The following PEX14 variants were observed in gnomAD, a reference collection of about 807,000 sequenced individuals.
The protein encoded by PEX14 is peroxisomal membrane protein PEX14.
Under a neutral mutation model 49.5 loss-of-function variants are expected in PEX14, and 15 were observed. That is an observed-to-expected ratio of 0.30 (90% CI 0.20 to 0.47). The LOEUF (loss-of-function observed/expected upper bound fraction) is 0.47. Among genes scored for constraint, PEX14 ranks in the 20% least tolerant of loss-of-function variants. The probability of loss-of-function intolerance (pLI) is 1.00; values close to 1 mark genes in which losing one functional copy is unlikely to be tolerated. For synonymous variants in PEX14, 210 were observed against 212.7 expected, an observed-to-expected ratio of 0.99 and a Z score of 0.11; for missense variants, 398 against 494.8, an observed-to-expected ratio of 0.80 and a Z score of 1.86.
intron 2 of PEX14, among the ~76,000 whole-genome samples, chr1:10,528,717 C>A (rs1638561139): frequency 6.6e-6 from 1 of 152,190 alleles, no homozygotes; most frequent in Non-Finnish European, 1.5e-5. Flanking sequence ...AGTCAAGGAG[C>A]TGTTGAAAAA....
In PEX14 at chr1:10,527,583, T is replaced by G. The variant is rs1638526935; in HGVS notation, c.85-8630T>G. ...CATTCTAGGCTATGAGTAGTTCTTT[T>G]TTTTTGTATTCAAATTTATTTTTTA... is the stretch of plus-strand genomic sequence containing the variant. On this transcript the variant is annotated intron_variant, in intron 2 of 8. Transcript: ENST00000356607. 2.0e-5 allele frequency among the ~76,000 whole-genome samples: 3 copies of G among 152,272 alleles called. No homozygotes were observed. In the South Asian group the frequency reaches 6.2e-4, roughly 32 times the overall value.
chr1:10,500,175 G>A (rs1395335811), intron 2 of PEX14, among the ~76,000 whole-genome samples: 1 of 151,582 alleles, frequency 6.6e-6, no homozygotes, highest in Admixed American at 6.6e-5. Context: ...GGCCGAGGCG[G>A]GTGGATCACC....
At chr1:10,486,780 T>C (rs1452025773) in intron 1 of PEX14, among the ~76,000 whole-genome samples, 1 of 150,172 alleles carries the variant, frequency 6.7e-6, no homozygotes, top group Non-Finnish European at 1.5e-5. Context: ...CTCCGCCTCC[T>C]GGGTTCAAGC....
intron 1 of PEX14, among the ~76,000 whole-genome samples, chr1:10,480,409 T>C (rs1339902486): frequency 8.6e-6 from 1 of 116,888 alleles, no homozygotes; most frequent in African/African-American, 2.7e-5. Flanking sequence ...TTTTTTTTTT[T>C]TTGAGACGGA....
intron 2 of PEX14, among the ~76,000 whole-genome samples, chr1:10,503,089 C>CCACG: frequency 6.6e-6 from 1 of 151,840 alleles, no homozygotes; most frequent in East Asian, 1.9e-4. Context: ...GTGTGAGCCA[C>CCACG]CACGCCCTGC....
At chr1:10,532,721 C>T (rs1411253065) in intron 2 of PEX14, among the ~76,000 whole-genome samples, 1 of 152,030 alleles carries the variant, frequency 6.6e-6, no homozygotes, top group African/African-American at 2.4e-5. Context: ...CAAATATAAC[C>T]CATGAATAGT....
chr1:10,624,043 G>A (rs1252834638), intron 6 of PEX14, among the ~76,000 whole-genome samples: 4 of 152,198 alleles, frequency 2.6e-5, no homozygotes, highest in South Asian at 4.1e-4. Context: ...CAGAGAAGCC[G>A]GGAGAGCTCA....
At chr1:10,617,896 G>C (rs752567639) in intron 4 of PEX14, among the ~76,000 whole-genome samples, 4 of 152,170 alleles carry the variant, frequency 2.6e-5, no homozygotes, top group Non-Finnish European at 2.9e-5. Context: ...GCCCCGCTTG[G>C]TTCTGCTGTG....
At chr1:10,509,190 C>T (rs753399693) in intron 2 of PEX14, among the ~76,000 whole-genome samples, 21 of 151,910 alleles carry the variant, frequency 1.4e-4, no homozygotes, top group African/African-American at 4.8e-4. Context: ...CCTCATGATC[C>T]GCCTGCCTCG....
intron 3 of PEX14, among the ~76,000 whole-genome samples, chr1:10,536,943 A>G (rs184805498): frequency 6.6e-6 from 1 of 152,292 alleles, no homozygotes; most frequent in East Asian, 1.9e-4. Context: ...TTTTTTATAC[A>G]TGTAATTTTC....
chr1:10,596,028 G>A (rs1184018693), intron 3 of PEX14, among the ~76,000 whole-genome samples: 1 of 152,212 alleles, frequency 6.6e-6, no homozygotes, highest in Non-Finnish European at 1.5e-5. Flanking sequence ...TGGGGCTAGG[G>A]CACCGGGATG....
chr1:10,517,654 C>CT (rs57222349), intron 2 of PEX14, among the ~76,000 whole-genome samples: 63,315 of 136,558 alleles, frequency 0.46, 14,493 homozygotes, highest in East Asian at 0.55. Context: ...CCATTTTGTT[C>CT]TTTTTTTTTT....
chr1:10,498,136 C>T (rs898639104), intron 2 of PEX14, among the ~76,000 whole-genome samples: 7 of 152,206 alleles, frequency 4.6e-5, no homozygotes, highest in African/African-American at 1.4e-4. Context: ...TAACATTAGC[C>T]GGGCTTGGTG....
intron 1 of PEX14, among the ~76,000 whole-genome samples, chr1:10,480,626 C>A (rs544741963): frequency 6.6e-6 from 1 of 152,058 alleles, no homozygotes; most frequent in African/African-American, 2.4e-5. Context: ...GAATGCTTGA[C>A]CTCAGGTGAT....
chr1:10,568,407 A>G (rs1639875888), intron 3 of PEX14, among the ~76,000 whole-genome samples: 2 of 148,762 alleles, frequency 1.3e-5, no homozygotes, highest in African/African-American at 5.0e-5. Flanking sequence ...GTTTTTACTA[A>G]GAATGGATAT....
At chr1:10,615,399 A>T (rs1316135738) in intron 4 of PEX14, among the ~76,000 whole-genome samples, 2 of 152,258 alleles carry the variant, frequency 1.3e-5, no homozygotes, top group African/African-American at 2.4e-5. Flanking sequence ...AATGCTGATG[A>T]AAACATGCTC....
In PEX14 at chr1:10,630,034, C is replaced by T. The variant is rs763782659; in HGVS notation, c.*47C>T. 22 of 1,597,884 alleles carry T rather than the reference C, an allele frequency of 1.4e-5. No homozygotes were observed. Among genetic ancestry groups the T allele is most frequent in the East Asian group, 1.1e-4 (5 of 44,660 alleles). ...CCCTGAGGATGGCATCTAGTGTGCCCGTGCGTGGCCATACCCTGCCTCCCT... is the reference window on the plus strand; with the variant it reads ...CCCTGAGGATGGCATCTAGTGTGCCTGTGCGTGGCCATACCCTGCCTCCCT... On this transcript the variant is annotated 3_prime_UTR_variant, in exon 9 of 9. Coordinates refer to ENST00000356607, the MANE Select transcript of PEX14 (RefSeq NM_004565.3). The surrounding 1 kb of genome is among the most constrained non-coding windows in gnomAD (Gnocchi z 4.1).
rs1299624634 is a variant in PEX14, at chr1:10,613,509, G to A, written c.299-4823G>A. Among the ~76,000 whole-genome samples the A allele has an allele frequency of 2.6e-5, 4 of 152,174 alleles. No homozygotes were observed. The highest frequency in any genetic ancestry group is 2.1e-4 in the South Asian group (1 of 4,832). On this transcript the variant is annotated intron_variant, in intron 4 of 8. Transcript: ENST00000356607. The surrounding 1 kb of genome is among the most constrained non-coding windows in gnomAD (Gnocchi z 5.0). ...TCATTGCAGCCCACAGCGCCACAGCGTAGAGGCAGTCCAGGAAGGCCCAGG... is the reference window on the plus strand; with the variant it reads ...TCATTGCAGCCCACAGCGCCACAGCATAGAGGCAGTCCAGGAAGGCCCAGG...
rs192713410 is a variant in PEX14 at position 10,503,721 on chromosome 1, C to G, written c.84+8400C>G. ...AGTGCCCTACATGTTCCAGGATAAC[C>G]TTTTTTCTTTTTTCTTTTCTTTTCT... is the stretch of plus-strand genomic sequence containing the variant. On this transcript the variant is annotated intron_variant, in intron 2 of 8. Coordinates refer to ENST00000356607, the MANE Select transcript of PEX14 (RefSeq NM_004565.3). Among the ~76,000 whole-genome samples the G allele has an allele frequency of 6.2e-3, 940 of 151,640 alleles. 8 individuals carry two copies. Among genetic ancestry groups the G allele is most frequent in the African/African-American group, 0.021 (889 of 41,372 alleles).
Sources: allele counts gnomAD v4.1 joint callset (sites outside exome capture counted in the v4.1 genomes callset), GRCh38; gene constraint gnomAD v4.1.1; non-coding constraint Gnocchi (gnomAD v3.1); transcripts MANE v1.5; gene names NCBI Gene and HGNC (gene_info 2026-07-23, HGNC 2026-07-21).